NECTIN3: variants seen among roughly 807,000 people sequenced by gnomAD.
NECTIN3 encodes nectin cell adhesion molecule 3.
A neutral mutation model predicts 49.4 loss-of-function variants in NECTIN3; 8 were observed. That is an observed-to-expected ratio of 0.16 (90% CI 0.10 to 0.29). The LOEUF is 0.29. Ranked by LOEUF, NECTIN3 falls within the 10% of genes least tolerant of loss-of-function variation. The pLI is 1.00. For missense variants in NECTIN3, 581 were observed against 654.6 expected, an observed-to-expected ratio of 0.89 and a Z score of 1.23; for synonymous variants, 277 against 241.1, an observed-to-expected ratio of 1.15 and a Z score of -1.38.
chr3:111,112,823 A>G (rs918183913), intron 2 of NECTIN3, among the ~76,000 whole-genome samples: 9 of 152,150 alleles, frequency 5.9e-5, no homozygotes, highest in African/African-American at 1.9e-4. Context: ...TTAGATTTGC[A>G]TAGCTATCTG....
intron 5 of NECTIN3, among the ~76,000 whole-genome samples, chr3:111,129,931 T>C (rs988653043): frequency 3.3e-5 from 5 of 150,996 alleles, no homozygotes; most frequent in Non-Finnish European, 7.4e-5. Flanking sequence ...ATTACAGGTG[T>C]GAGCCACTGC....
At position 111,112,386 on chromosome 3, in the gene NECTIN3, A is replaced by C; in HGVS notation, c.502+15A>C. On this transcript the variant is annotated intron_variant, in intron 2 of 5. Coordinates refer to ENST00000485303, the MANE Select transcript of NECTIN3 (RefSeq NM_015480.3). ...AACTGTGTTAGGTAGGTATGCTTGA[A>C]TTATGTATTTTGGTGATAGTGGTGA... The C allele has an allele frequency of 4.1e-6, 6 of 1,458,286 alleles. No individual in the cohort carries two copies. The highest frequency in any genetic ancestry group is 5.6e-6 in the Non-Finnish European group (6 of 1,078,048). The allele number at this position is 1,458,286 out of a possible 1,614,324, so 90.3% of individuals were successfully genotyped here. A position where few individuals can be genotyped will look rare whatever the true frequency, so the allele number is the denominator to read the frequency against.
chr3:111,076,346 T>C (rs1559761615), intron 1 of NECTIN3, among the ~76,000 whole-genome samples: 1 of 152,146 alleles, frequency 6.6e-6, no homozygotes, highest in Non-Finnish European at 1.5e-5. Flanking sequence ...CTATAACATA[T>C]TCTGTAATCT....
At chr3:111,077,477 A>G (rs930139599) in intron 1 of NECTIN3, among the ~76,000 whole-genome samples, 7 of 151,374 alleles carry the variant, frequency 4.6e-5, no homozygotes, top group African/African-American at 1.7e-4. Context: ...GTGGGGCTGT[A>G]AATAGCTATT....
chr3:111,098,187 G>C (rs770969478), intron 1 of NECTIN3, among the ~76,000 whole-genome samples: 61 of 152,198 alleles, frequency 4.0e-4, no homozygotes, highest in Non-Finnish European at 7.9e-4. Context: ...CCTTTGAGCA[G>C]TGTGCAAGTC....
chr3:111,100,311 A>T (rs964945019), intron 1 of NECTIN3, among the ~76,000 whole-genome samples: 10 of 152,182 alleles, frequency 6.6e-5, no homozygotes, highest in African/African-American at 2.4e-4. Flanking sequence ...GAAGATATTT[A>T]CAAGTTCACA....
chr3:111,145,606 A>G (rs984265353), intron 6 of NECTIN3, among the ~76,000 whole-genome samples: 3 of 152,200 alleles, frequency 2.0e-5, no homozygotes, highest in African/African-American at 7.2e-5. Flanking sequence ...CTTGCTGTAG[A>G]ATCAGATGAC....
chr3:111,153,355 T>C (rs1011190152), intron 7 of NECTIN3, among the ~76,000 whole-genome samples: 1 of 151,804 alleles, frequency 6.6e-6, no homozygotes, highest in Non-Finnish European at 1.5e-5. Flanking sequence ...AAAGAAATAT[T>C]AAAAATCTAA....
chr3:111,162,125 G>A (rs377729395), intron 7 of NECTIN3, among the ~76,000 whole-genome samples: 44 of 152,070 alleles, frequency 2.9e-4, no homozygotes, highest in African/African-American at 9.2e-4. Context: ...TATCTTTGCA[G>A]GGTTTTCTTG....
intron 5 of NECTIN3, among the ~76,000 whole-genome samples, chr3:111,128,635 A>AG (rs901985669): frequency 3.0e-4 from 45 of 152,276 alleles, no homozygotes; most frequent in African/African-American, 9.9e-4. Flanking sequence ...ACATTTGTTC[A>AG]GGATACAACC....
At chr3:111,126,375 AT>A in intron 5 of NECTIN3, 40 bp downstream of exon 5, 1 of 1,502,198 alleles carries the variant, frequency 6.7e-7, no homozygotes. Context: ...TATTTAAAAT[AT>A]TTCTGAATAA....
At chr3:111,194,030 C>T (rs1254175973) in intron 1 of NECTIN3, among the ~76,000 whole-genome samples, 2 of 152,148 alleles carry the variant, frequency 1.3e-5, no homozygotes, top group Admixed American at 6.6e-5. Flanking sequence ...ATACATATCT[C>T]TTGCTGTTTT....
At chr3:111,141,635 G>A (rs2034747157), downstream of NECTIN3, among the ~76,000 whole-genome samples, 2 of 151,772 alleles carry the variant, frequency 1.3e-5, no homozygotes. Flanking sequence ...TTGTTGTGTT[G>A]GAGAATGCTC....
At chr3:111,155,252 G>GA (rs1370793735) in intron 7 of NECTIN3, among the ~76,000 whole-genome samples, 7 of 152,130 alleles carry the variant, frequency 4.6e-5, no homozygotes, top group Admixed American at 1.3e-4. Flanking sequence ...TGACTTTTGA[G>GA]AAAATCTTAA....
chr3:111,077,510 A>G (rs1469572528), intron 1 of NECTIN3, among the ~76,000 whole-genome samples: 1 of 152,084 alleles, frequency 6.6e-6, no homozygotes, highest in Non-Finnish European at 1.5e-5. Context: ...GAGCCTGCAA[A>G]GATAGGATGT....
At chr3:111,113,578 T>C (rs2033563378) in intron 2 of NECTIN3, among the ~76,000 whole-genome samples, 1 of 152,196 alleles carries the variant, frequency 6.6e-6, no homozygotes, top group Non-Finnish European at 1.5e-5. Flanking sequence ...GACACTGCCC[T>C]AAGAGCTATG....
At chr3:111,097,750 G>A (rs2032673925) in intron 1 of NECTIN3, among the ~76,000 whole-genome samples, 1 of 152,096 alleles carries the variant, frequency 6.6e-6, no homozygotes, top group Non-Finnish European at 1.5e-5. Flanking sequence ...TGATTGTGAG[G>A]CTTCTCCAGC....
At chr3:111,080,425 G>A (rs2031518497) in intron 1 of NECTIN3, among the ~76,000 whole-genome samples, 1 of 152,032 alleles carries the variant, frequency 6.6e-6, no homozygotes, top group Non-Finnish European at 1.5e-5. Context: ...CTTTAATCCT[G>A]ACAGCATCTC....
At position 111,071,817 on chromosome 3, in the gene NECTIN3, G is replaced by C; in HGVS notation, c.-201G>C. On this transcript the variant is annotated 5_prime_UTR_variant, in exon 1 of 6. Transcript: ENST00000485303. ...GCGGCGGCGGGCGGCTCCCGCTTCA[G>C]CCTCGGCAGTGGCGTCGGCGACGGC... The C allele has an allele frequency of 2.7e-6, 1 of 364,066 alleles. No individual in the cohort carries two copies. The highest frequency in any genetic ancestry group is 4.8e-6 in the Non-Finnish European group (1 of 206,664). The allele number at this position is 364,066 out of a possible 1,614,324, so 22.6% of individuals were successfully genotyped here.
Sources: gnomAD v4.1 joint callset for allele counts (sites outside exome capture counted in the v4.1 genomes callset) on GRCh38, gnomAD v4.1.1 for gene constraint, MANE v1.5 for transcripts, NCBI Gene and HGNC (gene_info 2026-07-23, HGNC 2026-07-21) for gene names.